Variants in PARD3B observed in about 807,000 individuals in gnomAD.
PARD3B encodes the protein partitioning defective 3 homolog B.
In PARD3B, 103 loss-of-function variants were observed where a neutral mutation model predicts 130.2. That is an observed-to-expected ratio of 0.79 (90% CI 0.67 to 0.93). The LOEUF is 0.93. Ranked by LOEUF, PARD3B falls within the 40% of genes least tolerant of loss-of-function variation. The pLI, the probability that PARD3B is intolerant of heterozygous loss-of-function variation, is 0.00. For missense variants in PARD3B, 1,609 were observed against 1,499.2 expected (o/e 1.07, Z -1.21); for synonymous variants, 583 against 553.2 (o/e 1.05, Z -0.76).
chr2:204,714,774 C>A (rs986155905), intron 2 of PARD3B, among the ~76,000 whole-genome samples: 1 of 152,150 alleles, frequency 6.6e-6, no homozygotes, highest in Non-Finnish European at 1.5e-5. Flanking sequence ...CAAACACACC[C>A]AGAATGAACC....
intron 2 of PARD3B, among the ~76,000 whole-genome samples, chr2:204,697,408 T>C (rs1469418437): frequency 6.6e-6 from 1 of 152,146 alleles, no homozygotes; most frequent in African/African-American, 2.4e-5. Context: ...CCTATTGCTC[T>C]AAGAAATCGG....
chr2:204,738,533 G>A (rs2039857277), intron 2 of PARD3B, among the ~76,000 whole-genome samples: 2 of 152,134 alleles, frequency 1.3e-5, no homozygotes, highest in African/African-American at 4.8e-5. Context: ...AGTTTATTAG[G>A]TAGGAGTTCT....
intron 2 of PARD3B, among the ~76,000 whole-genome samples, chr2:204,863,221 T>C (rs995825784): frequency 2.0e-5 from 3 of 152,188 alleles, no homozygotes; most frequent in African/African-American, 7.2e-5. Context: ...CATGAGGCCT[T>C]ATTCATTGTT....
In PARD3B at chr2:205,176,418, A is replaced by C; in HGVS notation, c.1792-27A>C. Reference sequence around the variant, plus strand: ...CAAGTTGGAACATATTAAAAATGCAAATGTAATTTTTACTTTTATCTCTTA... The same window carrying C: ...CAAGTTGGAACATATTAAAAATGCACATGTAATTTTTACTTTTATCTCTTA... On this transcript the variant is annotated intron_variant, in intron 12 of 22. Coordinates refer to ENST00000406610, the MANE Select transcript of PARD3B (RefSeq NM_001302769.2). The surrounding 1 kb of genome is among the most constrained non-coding windows in gnomAD (Gnocchi z 5.3). The C allele has an allele frequency of 6.3e-7, 1 of 1,578,426 alleles. No individual in the cohort carries two copies.
At chr2:205,272,788 C>T (rs1418452713) in intron 16 of PARD3B, among the ~76,000 whole-genome samples, 1 of 152,242 alleles carries the variant, frequency 6.6e-6, no homozygotes, top group South Asian at 2.1e-4. Flanking sequence ...TAATAGCTGT[C>T]CAAAAACTTA....
rs890735744 is a variant in PARD3B, at chr2:205,081,831, T to A, written c.505-22595T>A. On this transcript the variant is annotated intron_variant, in intron 4 of 22. Coordinates refer to ENST00000406610, the MANE Select transcript of PARD3B (RefSeq NM_001302769.2). ...CCTCTCTATTTATGAGTGTTACTGG[T>A]CCCTGACTTTCTTTATTGAGTAATG... is the stretch of plus-strand genomic sequence containing the variant. Among the ~76,000 whole-genome samples, 3 of 152,138 alleles carry A rather than the reference T, an allele frequency of 2.0e-5. No individual in the cohort carries two copies. The East Asian group carries it at 5.8e-4, about 29-fold the overall frequency.
chr2:205,038,339 T>C (rs1698158680), intron 3 of PARD3B, among the ~76,000 whole-genome samples: 1 of 152,084 alleles, frequency 6.6e-6, no homozygotes, highest in Admixed American at 6.6e-5. Context: ...TTTTTTAGAG[T>C]GTATGCCTTT....
At chr2:204,752,804 G>A (rs537529101) in intron 2 of PARD3B, among the ~76,000 whole-genome samples, 9 of 152,130 alleles carry the variant, frequency 5.9e-5, no homozygotes, top group East Asian at 3.9e-4. Flanking sequence ...ATTGCGTGCC[G>A]TTCTCATCTG....
At chr2:204,745,326 A>G (rs2040171566) in intron 2 of PARD3B, among the ~76,000 whole-genome samples, 1 of 152,090 alleles carries the variant, frequency 6.6e-6, no homozygotes, top group African/African-American at 2.4e-5. Flanking sequence ...AGGACTACCT[A>G]TTCTCTGCCA....
At chr2:204,766,807 CAA>C (rs57504030) in intron 2 of PARD3B, among the ~76,000 whole-genome samples, 28 of 141,786 alleles carry the variant, frequency 2.0e-4, no homozygotes, top group Admixed American at 3.5e-4. Flanking sequence ...TTTTGTAAAT[CAA>C]AAAAAAAAAA....
chr2:205,236,502 A>C (rs2039068703), intron 15 of PARD3B, among the ~76,000 whole-genome samples: 1 of 152,164 alleles, frequency 6.6e-6, no homozygotes, highest in Admixed American at 6.5e-5. Flanking sequence ...CCAAGGAGAG[A>C]TGCCCCAGGA....
chr2:204,709,926 TAA>T (rs1260800651), intron 2 of PARD3B, among the ~76,000 whole-genome samples: 2 of 152,248 alleles, frequency 1.3e-5, no homozygotes, highest in African/African-American at 4.8e-5. Context: ...AGTGCATTTT[TAA>T]AAGTTTTGTC....
Position 205,458,824 on chromosome 2 carries a change from C to G in PARD3B, c.3044+18152C>G. Among the ~76,000 whole-genome samples the G allele has an allele frequency of 6.6e-6, 1 of 152,226 alleles. No homozygotes were observed. The highest frequency in any genetic ancestry group is 2.1e-4 in the South Asian group (1 of 4,820). On this transcript the variant is annotated intron_variant, in intron 20 of 22. Coordinates refer to ENST00000406610, the MANE Select transcript of PARD3B (RefSeq NM_001302769.2). The surrounding 1 kb of genome is among the most constrained non-coding windows in gnomAD (Gnocchi z 4.8). Reference sequence around the variant, plus strand: ...CTGTAGAAATCTCAGGCTGATGATACCTTTCTTCAGAGAAGATGTATTTAA... The same window carrying G: ...CTGTAGAAATCTCAGGCTGATGATAGCTTTCTTCAGAGAAGATGTATTTAA...
chr2:204,741,610 TGAG>T (rs2040014113), intron 2 of PARD3B, among the ~76,000 whole-genome samples: 1 of 152,218 alleles, frequency 6.6e-6, no homozygotes, highest in Admixed American at 6.6e-5. Flanking sequence ...CTTACTAGTT[TGAG>T]AAGAAAATCT....
intron 2 of PARD3B, among the ~76,000 whole-genome samples, chr2:204,899,806 G>A (rs1167828377): frequency 2.0e-5 from 3 of 152,032 alleles, no homozygotes; most frequent in Non-Finnish European, 4.4e-5. Context: ...GTCTGCTGTT[G>A]ATGAAATTCC....
chr2:205,516,025 A>G (rs773816340), intron 21 of PARD3B, among the ~76,000 whole-genome samples: 16 of 152,076 alleles, frequency 1.1e-4, no homozygotes, highest in Non-Finnish European at 1.9e-4. Flanking sequence ...CTAGCTAGTT[A>G]TCCCAGCACC....
At chr2:205,211,982 C>T (rs868463241) in intron 15 of PARD3B, among the ~76,000 whole-genome samples, 15 of 151,928 alleles carry the variant, frequency 9.9e-5, no homozygotes, top group Non-Finnish European at 1.2e-4. Context: ...TCATAGCACC[C>T]AAATTGAAGG....
chr2:204,678,426 T>A lies in PARD3B; in HGVS notation c.121-7755T>A, dbSNP rs1466210407. ...TTGGTACCCGGGTTCTTGTCTGGCA[T>A]CCAGGAAGAATCAGGTCACACGGAC... On this transcript the variant is annotated intron_variant, in intron 1 of 22. Coordinates refer to ENST00000406610, the MANE Select transcript of PARD3B (RefSeq NM_001302769.2). The surrounding 1 kb of genome is among the most constrained non-coding windows in gnomAD (Gnocchi z 4.2). 6.6e-6 allele frequency among the ~76,000 whole-genome samples: 1 copy of A among 152,118 alleles called. No individual in the cohort carries two copies. The highest frequency in any genetic ancestry group is 2.4e-5 in the African/African-American group (1 of 41,420).
At chr2:204,655,361 C>T (rs1381344402) in intron 1 of PARD3B, among the ~76,000 whole-genome samples, 1 of 152,050 alleles carries the variant, frequency 6.6e-6, no homozygotes, top group Non-Finnish European at 1.5e-5. Flanking sequence ...CTTTCTCTTC[C>T]TCAGAATCTT....
Sources: allele counts gnomAD v4.1 joint callset (sites outside exome capture counted in the v4.1 genomes callset), GRCh38; gene constraint gnomAD v4.1.1; non-coding constraint Gnocchi (gnomAD v3.1); transcripts MANE v1.5; gene names NCBI Gene and HGNC (gene_info 2026-07-23, HGNC 2026-07-21).